DLGAP2: variants seen among roughly 807,000 people sequenced by gnomAD.
The protein encoded by DLGAP2 is disks large-associated protein 2.
Under a neutral mutation model 100.3 loss-of-function variants are expected in DLGAP2, and 26 were observed. That is an observed-to-expected ratio of 0.26 (90% CI 0.19 to 0.36). The LOEUF is 0.36. Ranked by LOEUF, DLGAP2 falls within the 10% of genes least tolerant of loss-of-function variation. The probability of loss-of-function intolerance (pLI) is 1.00; values close to 1 mark genes in which losing one functional copy is unlikely to be tolerated. For synonymous variants in DLGAP2, 886 were observed against 630.1 expected, an observed-to-expected ratio of 1.41 and a Z score of -6.08; for missense variants, 1,858 against 1,453.2, an observed-to-expected ratio of 1.28 and a Z score of -4.53.
At chr8:759,732 C>T (rs1048698440) in intron 1 of DLGAP2, among the ~76,000 whole-genome samples, 7 of 152,170 alleles carry the variant, frequency 4.6e-5, no homozygotes, top group African/African-American at 1.2e-4. Context: ...ATGACTTACA[C>T]GCCCCTGATG....
chr8:1,422,143 C>T (rs76372854), intron 3 of DLGAP2, among the ~76,000 whole-genome samples: 4,918 of 152,246 alleles, frequency 0.032, 131 homozygotes, highest in Non-Finnish European at 0.051. Flanking sequence ...CCCCGTTTCA[C>T]GGACCACATG....
At chr8:1,003,338 C>A (rs932108223) in intron 2 of DLGAP2, 2 of 152,346 alleles carry the variant, frequency 1.3e-5, no homozygotes, top group South Asian at 4.1e-4. Flanking sequence ...TCATGGGTGG[C>A]CCGACGGGGG....
intron 2 of DLGAP2, among the ~76,000 whole-genome samples, chr8:1,066,897 A>G (rs1803271134): frequency 6.6e-6 from 1 of 152,226 alleles, no homozygotes; most frequent in Non-Finnish European, 1.5e-5. Flanking sequence ...TCACCGTCAG[A>G]GCCCACGATA....
intron 2 of DLGAP2, among the ~76,000 whole-genome samples, chr8:950,053 G>T (rs534316296): frequency 2.3e-4 from 35 of 152,304 alleles, no homozygotes; most frequent in Middle Eastern, 3.4e-3. Flanking sequence ...GGGGACCCAG[G>T]TCTTTAGGAC....
chr8:1,341,498 T>C (rs971601316), intron 3 of DLGAP2, among the ~76,000 whole-genome samples: 2 of 152,218 alleles, frequency 1.3e-5, no homozygotes, highest in African/African-American at 4.8e-5. Flanking sequence ...ACATCAGCAG[T>C]TCTGCCTACA....
chr8:1,594,408 G>A (rs1239567386), intron 6 of DLGAP2, among the ~76,000 whole-genome samples: 1 of 152,062 alleles, frequency 6.6e-6, no homozygotes, highest in African/African-American at 2.4e-5. Flanking sequence ...TTAAATATGT[G>A]CCAAACAGAA....
At chr8:747,963 TCTGTGGTGGGATGGGCGGGC>T (rs1820682106) in intron 1 of DLGAP2, among the ~76,000 whole-genome samples, 2 of 12,122 alleles carry the variant, frequency 1.6e-4, no homozygotes, top group Non-Finnish European at 2.3e-4. Context: ...GATGGGGGGC[TCTGTGGTGGGATGGGCGGGC>T]CTGCGGTGGG....
At chr8:1,419,905 A>T (rs1450869116) in intron 3 of DLGAP2, among the ~76,000 whole-genome samples, 1 of 152,220 alleles carries the variant, frequency 6.6e-6, no homozygotes, top group Non-Finnish European at 1.5e-5. Context: ...TAGCCAGGAG[A>T]TGGAATCGAC....
intron 3 of DLGAP2, among the ~76,000 whole-genome samples, chr8:1,329,970 C>A (rs541766216): frequency 1.3e-5 from 2 of 152,244 alleles, no homozygotes; most frequent in African/African-American, 2.4e-5. Context: ...GATTCACTTG[C>A]TTGTCTGACT....
At chr8:1,170,755 C>G (rs1202750343) in intron 2 of DLGAP2, among the ~76,000 whole-genome samples, 5 of 150,222 alleles carry the variant, frequency 3.3e-5, no homozygotes, top group Non-Finnish European at 7.4e-5. Context: ...TTTATTGCAT[C>G]TATTTGATTC....
At chr8:1,259,077 G>T (rs920597231) in intron 3 of DLGAP2, among the ~76,000 whole-genome samples, 194 bp downstream of exon 3, 4 of 152,240 alleles carry the variant, frequency 2.6e-5, no homozygotes, top group African/African-American at 9.6e-5. Flanking sequence ...TCAGCAGCTC[G>T]TCTCTGAAGA....
At chr8:1,275,431 AT>A (rs143102795) in intron 3 of DLGAP2, among the ~76,000 whole-genome samples, 2,850 of 151,000 alleles carry the variant, frequency 0.019, 39 homozygotes, top group South Asian at 0.06. Flanking sequence ...CACATTTACC[AT>A]TAAGGCCTTG....
intron 4 of DLGAP2, among the ~76,000 whole-genome samples, chr8:1,525,729 C>T (rs1486512993): frequency 3.3e-5 from 5 of 152,240 alleles, no homozygotes; most frequent in Admixed American, 6.5e-5. Context: ...TAGCAAAATG[C>T]CCCAAATCAC....
chr8:847,653 C>T (rs1162246192), intron 1 of DLGAP2, among the ~76,000 whole-genome samples: 3 of 152,038 alleles, frequency 2.0e-5, no homozygotes, highest in African/African-American at 7.2e-5. Context: ...ACTATAGGCG[C>T]ACGCAACCAC....
chr8:1,018,927 A>G (rs1211406228), intron 2 of DLGAP2: 4 of 152,206 alleles, frequency 2.6e-5, no homozygotes, highest in Non-Finnish European at 5.9e-5. Flanking sequence ...CAAGAGCATT[A>G]GAACAGCCTT....
chr8:861,326 G>A (rs1362734887), intron 1 of DLGAP2, among the ~76,000 whole-genome samples: 1 of 152,194 alleles, frequency 6.6e-6, no homozygotes, highest in African/African-American at 2.4e-5. Context: ...AGGGACTTGA[G>A]CATTTGTGGA....
At chr8:1,128,021 C>T (rs896360557) in intron 2 of DLGAP2, among the ~76,000 whole-genome samples, 3 of 152,212 alleles carry the variant, frequency 2.0e-5, no homozygotes, top group Admixed American at 2.0e-4. Context: ...ACATGTTTGC[C>T]TTTTTAGAAA....
chr8:1,472,555 G>A (rs1322893849), intron 3 of DLGAP2, among the ~76,000 whole-genome samples: 1 of 152,162 alleles, frequency 6.6e-6, no homozygotes, highest in East Asian at 1.9e-4. Flanking sequence ...GGGCCCGAGT[G>A]CCAGCAGTGG....
At chr8:1,595,510 A>G (rs1796425494) in intron 6 of DLGAP2, among the ~76,000 whole-genome samples, 1 of 144,104 alleles carries the variant, frequency 6.9e-6, no homozygotes, top group Admixed American at 6.7e-5. Flanking sequence ...AAAAATACAA[A>G]AAAAAAATTA....
Sources: allele counts gnomAD v4.1 joint callset (sites outside exome capture counted in the v4.1 genomes callset), GRCh38; gene constraint gnomAD v4.1.1; transcripts MANE v1.5; gene names NCBI Gene and HGNC (gene_info 2026-07-23, HGNC 2026-07-21).